Variants in INPP5B observed in about 807,000 individuals in gnomAD.
INPP5B encodes type II inositol 1,4,5-trisphosphate 5-phosphatase.
INPP5B carries 90 observed loss-of-function variants against 118.5 expected under a neutral mutation model. The observed-to-expected ratio is 0.76, with a 90% CI of 0.64 to 0.90. The LOEUF is 0.90. Among genes scored for constraint, INPP5B ranks in the 40% least tolerant of loss-of-function variants. The pLI is 0.00. For synonymous variants in INPP5B, 385 were observed against 418.9 expected (o/e 0.92, Z 0.99); for missense variants, 984 against 1,125.6 (o/e 0.87, Z 1.80).
intron 23 of INPP5B, among the ~76,000 whole-genome samples, chr1:37,863,517 AAAATTAAATT>A (rs1207843136): frequency 6.6e-6 from 1 of 151,526 alleles, no homozygotes; most frequent in Non-Finnish European, 1.5e-5. Context: ...CCATCTCTAA[AAAATTAAATT>A]AAATTAAATT....
At chr1:37,869,062 G>A (rs750879540) in intron 19 of INPP5B, among the ~76,000 whole-genome samples, 6 of 151,836 alleles carry the variant, frequency 4.0e-5, no homozygotes, top group Non-Finnish European at 7.4e-5. Flanking sequence ...GCACGATCTC[G>A]GCTCACTACA....
At chr1:37,920,938 C>G (rs919610684) in intron 7 of INPP5B, among the ~76,000 whole-genome samples, 1 of 152,028 alleles carries the variant, frequency 6.6e-6, no homozygotes, top group Non-Finnish European at 1.5e-5. Flanking sequence ...AACCCTGTCT[C>G]TACTAAAAAT....
At chr1:37,919,245 G>A (rs1165122737) in intron 7 of INPP5B, among the ~76,000 whole-genome samples, 1 of 152,054 alleles carries the variant, frequency 6.6e-6, no homozygotes, top group African/African-American at 2.4e-5. Flanking sequence ...CTGCTGGGTG[G>A]AGATCACGTT....
chr1:37,868,727 C>T, intron 19 of INPP5B, 113 bp from the exon 20 acceptor site: 2 of 699,124 alleles, frequency 2.9e-6, no homozygotes, highest in South Asian at 3.0e-5. Flanking sequence ...TGCCCCTAAC[C>T]ACGCATTCCA....
At chr1:37,874,919 C>T (rs903876448) in intron 17 of INPP5B, among the ~76,000 whole-genome samples, 48 of 152,234 alleles carry the variant, frequency 3.2e-4, no homozygotes, top group African/African-American at 1.2e-3. Flanking sequence ...TATTCAACTT[C>T]CTATATTACC....
chr1:37,913,710 G>GC (rs1213973642), intron 7 of INPP5B, among the ~76,000 whole-genome samples: 2 of 151,698 alleles, frequency 1.3e-5, no homozygotes, highest in Non-Finnish European at 2.9e-5. Context: ...TCTCCACATC[G>GC]CCCCTAAAAA....
At chr1:37,937,750 G>A (rs935214265) in intron 6 of INPP5B, among the ~76,000 whole-genome samples, 1 of 151,398 alleles carries the variant, frequency 6.6e-6, no homozygotes, top group African/African-American at 2.4e-5. Context: ...CTGGGCGACA[G>A]AGCCAGACTT....
intron 17 of INPP5B, among the ~76,000 whole-genome samples, chr1:37,875,004 A>G (rs1642701018): frequency 6.6e-6 from 1 of 152,254 alleles, no homozygotes; most frequent in African/African-American, 2.4e-5. Context: ...AAAGCAAAGC[A>G]TCAGTAAGAA....
At chr1:37,887,252 G>A (rs1453115874) in intron 11 of INPP5B, 99 bp downstream of exon 11, 1 of 852,680 alleles carries the variant, frequency 1.2e-6, no homozygotes, top group African/African-American at 1.7e-5. Context: ...GGATAATTAA[G>A]ACTGGCTTAA....
At chr1:37,915,986 A>T (rs1644847990) in intron 7 of INPP5B, among the ~76,000 whole-genome samples, 1 of 152,242 alleles carries the variant, frequency 6.6e-6, no homozygotes, top group African/African-American at 2.4e-5. Flanking sequence ...CTAGAAGCCA[A>T]ATAAGATCTG....
chr1:37,900,402 G>A (rs934453823), intron 7 of INPP5B, among the ~76,000 whole-genome samples: 5 of 150,748 alleles, frequency 3.3e-5, no homozygotes, highest in Admixed American at 1.3e-4. Flanking sequence ...TTACAGGCAC[G>A]TGCCACCACA....
intron 7 of INPP5B, among the ~76,000 whole-genome samples, chr1:37,902,439 C>A (rs1398277811): frequency 6.6e-6 from 1 of 152,160 alleles, no homozygotes; most frequent in African/African-American, 2.4e-5. Context: ...TAGAAGAAAA[C>A]ACAAATCTGG....
chr1:37,873,341 T>C, intron 18 of INPP5B, 176 bp from the exon 19 acceptor site: 1 of 521,858 alleles, frequency 1.9e-6, no homozygotes, highest in South Asian at 2.1e-5. Flanking sequence ...AACAAAGAGT[T>C]TATAGTCCAA....
At chr1:37,896,753 C>T (rs1644106449) in intron 7 of INPP5B, among the ~76,000 whole-genome samples, 3 of 136,692 alleles carry the variant, frequency 2.2e-5, no homozygotes, top group South Asian at 4.7e-4. Context: ...CCCGGCCAGC[C>T]GCCCCGTCCC....
chr1:37,917,308 TTA>T (rs368327131), intron 7 of INPP5B, among the ~76,000 whole-genome samples: 5,317 of 92,664 alleles, frequency 0.057, 428 homozygotes, highest in East Asian at 0.22. Context: ...AAAAAAATAA[TTA>T]TATATATATA....
intron 7 of INPP5B, among the ~76,000 whole-genome samples, chr1:37,916,520 G>A (rs9442057): frequency 1.1e-3 from 172 of 151,546 alleles, no homozygotes; most frequent in Middle Eastern, 3.4e-3. Context: ...CGGTTCAAGC[G>A]ATTCTCTTGC....
chr1:37,863,854 G>A (rs1221286856), intron 23 of INPP5B, among the ~76,000 whole-genome samples: 9 of 137,486 alleles, frequency 6.5e-5, no homozygotes, highest in Admixed American at 1.5e-4. Context: ...TCACTCTGTC[G>A]CCCAGGCTGG....
intron 1 of INPP5B, among the ~76,000 whole-genome samples, chr1:37,946,659 T>C: frequency 6.6e-6 from 1 of 152,094 alleles, no homozygotes; most frequent in East Asian, 1.9e-4. Flanking sequence ...ACCTAGTCCC[T>C]TTGCTCCTAG....
At chr1:37,913,054 G>A (rs1429857719) in intron 7 of INPP5B, among the ~76,000 whole-genome samples, 2 of 151,746 alleles carry the variant, frequency 1.3e-5, no homozygotes, top group African/African-American at 2.4e-5. Flanking sequence ...TCAGGAGATC[G>A]AGACCATCCT....
Sources: allele counts gnomAD v4.1 joint callset (sites outside exome capture counted in the v4.1 genomes callset), GRCh38; gene constraint gnomAD v4.1.1; transcripts MANE v1.5; gene names NCBI Gene and HGNC (gene_info 2026-07-23, HGNC 2026-07-21).